The following PTPRM variants were observed in gnomAD, a reference collection of about 807,000 sequenced individuals.
PTPRM encodes the protein protein tyrosine phosphatase receptor type M.
A neutral mutation model predicts 186.7 loss-of-function variants in PTPRM; 47 were observed. The ratio of observed to expected loss-of-function variants is 0.25; its 90% CI spans 0.20 to 0.32. PTPRM has a LOEUF of 0.32. PTPRM is among the 10% of genes least tolerant of loss of function. The probability of loss-of-function intolerance (pLI) is 1.00; values close to 1 mark genes in which losing one functional copy is unlikely to be tolerated. For missense variants in PTPRM, 1,494 were observed against 1,865.0 expected (o/e 0.80, Z 3.66); for synonymous variants, 668 against 674.9 (o/e 0.99, Z 0.16).
chr18:7,637,633 C>T (rs769880608), intron 1 of PTPRM, among the ~76,000 whole-genome samples: 48 of 152,108 alleles, frequency 3.2e-4, no homozygotes, highest in Non-Finnish European at 6.0e-4. Context: ...ATTCTATGAA[C>T]GTTTCTTTGG....
intron 10 of PTPRM, among the ~76,000 whole-genome samples, chr18:8,088,076 G>C (rs375107434): frequency 6.6e-5 from 10 of 152,228 alleles, no homozygotes; most frequent in African/African-American, 2.2e-4. Flanking sequence ...TTTGAATTAC[G>C]ATAATAAACG....
chr18:7,737,797 G>C (rs1349200392), intron 1 of PTPRM, among the ~76,000 whole-genome samples: 1 of 152,192 alleles, frequency 6.6e-6, no homozygotes, highest in Non-Finnish European at 1.5e-5. Flanking sequence ...GGGGCAATGA[G>C]ACACGCTGAA....
intron 1 of PTPRM, among the ~76,000 whole-genome samples, chr18:7,623,631 C>T (rs191782253): frequency 5.7e-4 from 87 of 152,110 alleles, no homozygotes; most frequent in Admixed American, 1.3e-3. Context: ...TATTTAGGCT[C>T]CTAACAGTTT....
At chr18:7,952,569 G>A (rs959795135) in intron 6 of PTPRM, among the ~76,000 whole-genome samples, 11 of 151,918 alleles carry the variant, frequency 7.2e-5, no homozygotes, top group South Asian at 2.1e-4. Context: ...GGTGGCGGGC[G>A]CCTGTAGTCC....
intron 7 of PTPRM, among the ~76,000 whole-genome samples, chr18:8,057,611 A>T (rs1600303394): frequency 5.3e-5 from 4 of 75,306 alleles, no homozygotes; most frequent in Non-Finnish European, 7.3e-5. Context: ...CCCTCCCCCC[A>T]CCCCACCACA....
At chr18:7,749,654 G>A (rs1039852123) in intron 1 of PTPRM, among the ~76,000 whole-genome samples, 4 of 152,154 alleles carry the variant, frequency 2.6e-5, no homozygotes, top group Non-Finnish European at 5.9e-5. Flanking sequence ...AGGAGGTGGT[G>A]TATGGTTTGT....
intron 23 of PTPRM, among the ~76,000 whole-genome samples, chr18:8,344,383 G>GAT (rs61028996): frequency 0.31 from 45,476 of 144,764 alleles, 7,461 homozygotes; most frequent in Middle Eastern, 0.5. Flanking sequence ...CAGTAAGTAG[G>GAT]ATATATATAT....
At chr18:8,377,202 T>A (rs561766432) in intron 26 of PTPRM, 9 of 152,408 alleles carry the variant, frequency 5.9e-5, no homozygotes, top group Non-Finnish European at 1.0e-4. Flanking sequence ...CATATTTGAT[T>A]GTTTTAAGTA....
rs575872949 is a variant in PTPRM, at chr18:8,256,122, A to G, written c.2754+2708A>G. 3.3e-5 allele frequency among the ~76,000 whole-genome samples: 5 copies of G among 152,330 alleles called. No individual in the cohort carries two copies. The South Asian group carries it at 1.0e-3, about 32-fold the overall frequency. ...CTAATAAAACAGACCTCTTTCCATCATGCTGTAAAGTCTGCATCCTTTTCA... is the reference window on the plus strand; with the variant it reads ...CTAATAAAACAGACCTCTTTCCATCGTGCTGTAAAGTCTGCATCCTTTTCA... On this transcript the variant is annotated intron_variant, in intron 19 of 32. Coordinates refer to ENST00000580170, the MANE Select transcript of PTPRM (RefSeq NM_001105244.2).
intron 5 of PTPRM, among the ~76,000 whole-genome samples, chr18:7,927,420 A>C (rs143950220): frequency 1.7e-3 from 246 of 148,160 alleles, no homozygotes; most frequent in Admixed American, 3.8e-3. Context: ...CTCATTTTTC[A>C]TCTTGAGTGG....
At position 7,737,500 on chromosome 18, in the gene PTPRM, A is replaced by G. The variant is rs1283785176; in HGVS notation, c.74-36649A>G. Among the ~76,000 whole-genome samples, 3 of 152,148 alleles carry G rather than the reference A, an allele frequency of 2.0e-5. No individual in the cohort carries two copies. The East Asian group carries it at 5.8e-4, about 29-fold the overall frequency. The stretch of plus-strand genomic sequence containing the variant: ...TACCTGTTTGTTTTTCCTCTGCTCC[A>G]TGTAATAAGGTGTAGTTTGTTCCCA... On this transcript the variant is annotated intron_variant, in intron 1 of 32. Coordinates refer to ENST00000580170, the MANE Select transcript of PTPRM (RefSeq NM_001105244.2).
chr18:8,174,548 A>G (rs1174322450), intron 14 of PTPRM, among the ~76,000 whole-genome samples: 2 of 152,228 alleles, frequency 1.3e-5, no homozygotes, highest in African/African-American at 4.8e-5. Context: ...GTATAAGCAC[A>G]ATACTGACCA....
intron 2 of PTPRM, among the ~76,000 whole-genome samples, chr18:7,788,936 T>C (rs940031195): frequency 3.3e-5 from 5 of 152,194 alleles, no homozygotes; most frequent in Admixed American, 3.3e-4. Flanking sequence ...CCTAAGTGGG[T>C]GACCTCCCTA....
At chr18:8,201,175 G>C (rs1179227344) in intron 14 of PTPRM, among the ~76,000 whole-genome samples, 1 of 152,100 alleles carries the variant, frequency 6.6e-6, no homozygotes, top group Non-Finnish European at 1.5e-5. Flanking sequence ...AATTAGCCAG[G>C]CATGGTGGTG....
chr18:8,223,589 C>G (rs2094179395), intron 14 of PTPRM, among the ~76,000 whole-genome samples: 1 of 152,150 alleles, frequency 6.6e-6, no homozygotes, highest in Admixed American at 6.5e-5. Context: ...TGCAGCATGC[C>G]TATCACCAGC....
intron 2 of PTPRM, among the ~76,000 whole-genome samples, chr18:7,865,268 C>T (rs1225717332): frequency 6.6e-6 from 1 of 151,714 alleles, no homozygotes; most frequent in Non-Finnish European, 1.5e-5. Flanking sequence ...GCATCTTTGT[C>T]TTGTGCCAGA....
At chr18:7,983,277 T>G (rs2082657134) in intron 7 of PTPRM, among the ~76,000 whole-genome samples, 1 of 152,010 alleles carries the variant, frequency 6.6e-6, no homozygotes, top group Non-Finnish European at 1.5e-5. Context: ...GCGAGGGATC[T>G]AAGTTGCAAG....
At chr18:8,323,305 C>G (rs548653936) in intron 22 of PTPRM, among the ~76,000 whole-genome samples, 6 of 152,224 alleles carry the variant, frequency 3.9e-5, no homozygotes, top group South Asian at 2.1e-4. Context: ...GCACCGGGAT[C>G]CCCCAAGAAA....
chr18:7,578,254 C>T (rs895932345), intron 1 of PTPRM, among the ~76,000 whole-genome samples: 11 of 152,086 alleles, frequency 7.2e-5, no homozygotes, highest in African/African-American at 2.2e-4. Flanking sequence ...GCCTTGAACT[C>T]CTGGGCTCGA....
Sources: allele counts gnomAD v4.1 joint callset (sites outside exome capture counted in the v4.1 genomes callset), GRCh38; gene constraint gnomAD v4.1.1; transcripts MANE v1.5; gene names NCBI Gene and HGNC (gene_info 2026-07-23, HGNC 2026-07-21).